DYRK4: variants seen among roughly 807,000 people sequenced by gnomAD.
DYRK4 encodes the protein dual specificity tyrosine phosphorylation regulated kinase 4.
Under a neutral mutation model 68.3 loss-of-function variants are expected in DYRK4, and 64 were observed. The observed-to-expected ratio is 0.94, with a 90% CI of 0.77 to 1.15. DYRK4 has a LOEUF of 1.15. DYRK4 is among the 50% of genes most tolerant of loss of function. The probability of loss-of-function intolerance (pLI) is 0.00; values close to 1 mark genes in which losing one functional copy is unlikely to be tolerated. For synonymous variants in DYRK4, 274 were observed against 289.9 expected (o/e 0.95, Z 0.56); for missense variants, 740 against 764.7 (o/e 0.97, Z 0.38).
At position 4,568,480 on chromosome 12, in the gene DYRK4, G is replaced by A. The variant is rs183160959; in HGVS notation, c.132+432G>A. On this transcript the variant is annotated intron_variant, in intron 2 of 14. Transcript: ENST00000543431. ...AGCTCACTGCAACCTCCACCTCCTG[G>A]GTTCAAGCGATTCTCCTGCCTCAGC... is the stretch of plus-strand genomic sequence containing the variant. Among the ~76,000 whole-genome samples, 10 of 152,094 alleles carry A rather than the reference G, an allele frequency of 6.6e-5. No individual in the cohort carries two copies. The East Asian group carries it at 1.7e-3, about 26-fold the overall frequency.
intron 8 of DYRK4, chr12:4,596,992 G>T: frequency 7.6e-7 from 1 of 1,310,588 alleles, no homozygotes; most frequent in Non-Finnish European, 9.7e-7. Flanking sequence ...ACCAAAACAA[G>T]GCCTCTTTCC....
Position 4,588,547 on chromosome 12 carries a change from G to A in DYRK4, c.133-390G>A, listed in dbSNP as rs899006636. On this transcript the variant is annotated intron_variant, in intron 2 of 14. Coordinates refer to ENST00000543431, the MANE Select transcript of DYRK4 (RefSeq NM_001394779.1). ...TGGGTTCCACTATGCCACCTTCAGA[G>A]CCACACTCAGGGCGAAAAGACTTCC... is the stretch of plus-strand genomic sequence containing the variant. 4.6e-5 allele frequency among the ~76,000 whole-genome samples: 7 copies of A among 152,312 alleles called. No individual in the cohort carries two copies. The East Asian group carries it at 1.2e-3, about 25-fold the overall frequency.
chr12:4,569,252 C>A (rs1944707695), intron 2 of DYRK4, among the ~76,000 whole-genome samples: 1 of 152,110 alleles, frequency 6.6e-6, no homozygotes, highest in South Asian at 2.1e-4. Context: ...ATACCTAAAA[C>A]AAACTTATTT....
intron 1 of DYRK4, among the ~76,000 whole-genome samples, chr12:4,567,675 C>G (rs1591782851): frequency 6.6e-6 from 1 of 152,310 alleles, no homozygotes; most frequent in African/African-American, 2.4e-5. Context: ...ATGAGGTTTA[C>G]TTTCCAGTTA....
chr12:4,596,918 C>T (rs1945024446), intron 8 of DYRK4, 189 bp downstream of exon 8: 1 of 1,434,744 alleles, frequency 7.0e-7, no homozygotes, highest in Admixed American at 3.0e-5. Context: ...CTTGGTATGC[C>T]TGTCACCTGC....
rs1193317518 is a variant in DYRK4 at position 4,596,213 on chromosome 12, G to A, written c.692G>A (p.Gly231Glu). 1.2e-6 allele frequency: 2 copies of A among 1,614,060 alleles called. No homozygotes were observed. The highest frequency in any genetic ancestry group is 4.5e-5 in the East Asian group (2 of 44,884). ...VLETIGKGSF[G>E]QVAKCLDHKN... ...GAGACAATCGGGAAGGGGTCCTTTG[G>A]ACAGGTGGCCAAGTGCTTGGATCAC... Residue 231 changes from glycine (G) to glutamate (E), a missense_variant, in exon 7 of 15, where the codon GGA becomes GAA. Around this residue, in one of 3 missense-constraint regions of DYRK4, gnomAD observed 614 missense variants for 603.7 expected, o/e 1.02. Coordinates refer to ENST00000543431, the MANE Select transcript of DYRK4 (RefSeq NM_001394779.1).
At chr12:4,580,075 T>G (rs1325065743) in intron 2 of DYRK4, among the ~76,000 whole-genome samples, 1 of 152,202 alleles carries the variant, frequency 6.6e-6, no homozygotes, top group African/African-American at 2.4e-5. Context: ...TCACATTCAT[T>G]ATCATGATTT....
rs35411407 is a variant in DYRK4, at chr12:4,599,742, T to C, written c.1080T>C (p.Ser360=). 27,194 of 1,613,980 alleles carry C rather than the reference T, an allele frequency of 0.017. 451 individuals carry two copies. Among genetic ancestry groups the C allele is most frequent in the Non-Finnish European group, 0.021 (25,190 of 1,179,830 alleles). Residue 360 remains serine, a synonymous_variant, in exon 10 of 15, where the codon TCT becomes TCC. Transcript: ENST00000543431. Reference sequence around the variant, plus strand: ...TGCTATACCAAAAGGGCCAAGCCTCTGTTAAAGTCATTGACTTTGGATCAA... The same window carrying C: ...TGCTATACCAAAAGGGCCAAGCCTCCGTTAAAGTCATTGACTTTGGATCAA... ...NIVLYQKGQA[S]VKVIDFGSSC...
intron 1 of DYRK4, 31 bp downstream of exon 1, chr12:4,562,314 G>GCAGTC: frequency 3.9e-6 from 6 of 1,528,252 alleles, no homozygotes; most frequent in Non-Finnish European, 5.2e-6. Context: ...TACTTCACGA[G>GCAGTC]CAGTCAGGCG....
chr12:4,607,244 G>A (rs961461650), intron 11 of DYRK4, 83 bp from the exon 12 acceptor site: 1 of 1,537,126 alleles, frequency 6.5e-7, no homozygotes, highest in African/African-American at 1.4e-5. Context: ...AGAAGGCAAA[G>A]CTTGGCCAAA....
intron 9 of DYRK4, 69 bp from the exon 10 acceptor site, chr12:4,599,638 G>T (rs1463044062): frequency 6.0e-6 from 7 of 1,169,464 alleles, no homozygotes. Flanking sequence ...AGGATGAGGA[G>T]CATTTAGGTA....
At chr12:4,563,492 A>G (rs1156964432) in intron 1 of DYRK4, among the ~76,000 whole-genome samples, 1 of 152,220 alleles carries the variant, frequency 6.6e-6, no homozygotes, top group Non-Finnish European at 1.5e-5. Flanking sequence ...CCAAAGAGCA[A>G]ATGCTGGTGG....
At chr12:4,597,251 T>G (rs1048475598) in intron 8 of DYRK4, 2 of 649,566 alleles carry the variant, frequency 3.1e-6, no homozygotes, top group East Asian at 1.4e-4. Context: ...TGACAAGGCA[T>G]GCTACTTTGA....
In DYRK4 at chr12:4,613,525, C is replaced by T; in HGVS notation, c.1677C>T (p.Thr559=). ...CHHSSRKDEI[T]KETTEKTKDS... Reference sequence around the variant, plus strand: ...TCTCTCCTTTAGCAGATGAGATCACCAAAGAGACTACAGAGAAAACAAAAG... The same window carrying T: ...TCTCTCCTTTAGCAGATGAGATCACTAAAGAGACTACAGAGAAAACAAAAG... Residue 559 remains threonine (T), a synonymous_variant, in exon 15 of 15, where the codon ACC becomes ACT. Transcript: ENST00000543431. The surrounding 1 kb of genome is among the most constrained non-coding windows in gnomAD (Gnocchi z 4.0). The T allele has an allele frequency of 6.2e-7, 1 of 1,612,346 alleles. No homozygotes were observed. Among genetic ancestry groups the T allele is most frequent in the Non-Finnish European group, 8.5e-7 (1 of 1,178,692 alleles).
chr12:4,585,947 G>T (rs1179037154), intron 2 of DYRK4, among the ~76,000 whole-genome samples: 3 of 152,224 alleles, frequency 2.0e-5, no homozygotes, highest in East Asian at 3.8e-4. Flanking sequence ...GGGGCATGAT[G>T]GTTCACGCCT....
At chr12:4,569,658 G>T (rs1944711616) in intron 2 of DYRK4, among the ~76,000 whole-genome samples, 1 of 151,934 alleles carries the variant, frequency 6.6e-6, no homozygotes, top group South Asian at 2.1e-4. Context: ...ACAGGGTCTC[G>T]CTATGTTGCC....
intron 2 of DYRK4, among the ~76,000 whole-genome samples, chr12:4,580,135 C>G (rs1230693568): frequency 6.6e-6 from 1 of 152,228 alleles, no homozygotes; most frequent in Non-Finnish European, 1.5e-5. Context: ...CTCCCCAAGG[C>G]CCTGCACTGA....
At chr12:4,562,850 A>T (rs1591779461) in intron 1 of DYRK4, among the ~76,000 whole-genome samples, 1 of 132,258 alleles carries the variant, frequency 7.6e-6, no homozygotes, top group East Asian at 2.1e-4. Context: ...CAGAGCTGCC[A>T]CTCAGGAAAT....
chr12:4,590,070 A>G, intron 3 of DYRK4: 2 of 1,107,546 alleles, frequency 1.8e-6, no homozygotes, highest in Non-Finnish European at 2.2e-6. Flanking sequence ...AGGTTTCGAG[A>G]AAGAGTCAGT....
Sources: allele counts gnomAD v4.1 joint callset (sites outside exome capture counted in the v4.1 genomes callset), GRCh38; gene constraint gnomAD v4.1.1; regional missense constraint gnomAD v4.1.1; non-coding constraint Gnocchi (gnomAD v3.1); transcripts MANE v1.5; gene names NCBI Gene and HGNC (gene_info 2026-07-23, HGNC 2026-07-21).